KLF12: variants seen among roughly 807,000 people sequenced by gnomAD.
The protein encoded by KLF12 is Krueppel-like factor 12.
KLF12 carries 9 observed loss-of-function variants against 37.8 expected under a neutral mutation model. That is an observed-to-expected ratio of 0.24 (90% CI 0.14 to 0.42). The LOEUF (loss-of-function observed/expected upper bound fraction) is 0.42, where lower values mean the gene tolerates loss of function less well. Ranked by LOEUF, KLF12 falls within the 10% of genes least tolerant of loss-of-function variation. The probability of loss-of-function intolerance (pLI) is 1.00; values close to 1 mark genes in which losing one functional copy is unlikely to be tolerated. For synonymous variants in KLF12, 208 were observed against 202.1 expected (o/e 1.03, Z -0.25); for missense variants, 411 against 516.0 (o/e 0.80, Z 1.97).
At chr13:73,812,427 C>T (rs1594120050) in intron 5 of KLF12, among the ~76,000 whole-genome samples, 1 of 59,190 alleles carries the variant, frequency 1.7e-5, no homozygotes, top group Admixed American at 1.4e-4. Context: ...TATTAATTAA[C>T]TTAATTGTGG....
At chr13:73,850,771 T>C (rs1885296130) in intron 3 of KLF12, among the ~76,000 whole-genome samples, 1 of 152,230 alleles carries the variant, frequency 6.6e-6, no homozygotes, top group Non-Finnish European at 1.5e-5. Flanking sequence ...CTTTCAGTCA[T>C]CGGTCATTTA....
At chr13:73,757,308 G>A (rs1226078987) in intron 6 of KLF12, among the ~76,000 whole-genome samples, 1 of 152,144 alleles carries the variant, frequency 6.6e-6, no homozygotes, top group African/African-American at 2.4e-5. Flanking sequence ...GTGATTCTGA[G>A]TTGGTTTAAA....
At chr13:74,260,664 A>T in the KLF12 span, among the ~76,000 whole-genome samples, 154 of 151,630 alleles carry the variant, frequency 1.0e-3, no homozygotes, top group African/African-American at 3.4e-3. Flanking sequence ...TAAGTAATAA[A>T]ATTGGGCTTC....
At chr13:73,736,338 T>C (rs1877464261) in intron 6 of KLF12, among the ~76,000 whole-genome samples, 1 of 152,234 alleles carries the variant, frequency 6.6e-6, no homozygotes, top group Non-Finnish European at 1.5e-5. Context: ...CTGGAGTTTC[T>C]GTAAATTATA....
intron 1 of KLF12, among the ~76,000 whole-genome samples, chr13:74,007,927 A>G (rs930989308): frequency 6.6e-6 from 1 of 152,140 alleles, no homozygotes; most frequent in Non-Finnish European, 1.5e-5. Flanking sequence ...AACCAGTTAC[A>G]AAAGTGCACA....
chr13:73,874,569 T>C (rs1323915992), intron 3 of KLF12, among the ~76,000 whole-genome samples: 3 of 152,216 alleles, frequency 2.0e-5, no homozygotes, highest in African/African-American at 7.2e-5. Context: ...AATCCAATAA[T>C]TGACTTCTGT....
At chr13:73,815,633 T>C (rs1297879257) in intron 4 of KLF12, among the ~76,000 whole-genome samples, 1 of 152,212 alleles carries the variant, frequency 6.6e-6, no homozygotes, top group African/African-American at 2.4e-5. Context: ...TGGTGTTGCA[T>C]ACACCTGTAA....
At chr13:73,857,449 T>C (rs569540650) in intron 3 of KLF12, among the ~76,000 whole-genome samples, 2 of 152,330 alleles carry the variant, frequency 1.3e-5, no homozygotes, top group South Asian at 4.1e-4. Flanking sequence ...TGTTAAAATT[T>C]ATATATTTTT....
the KLF12 span, among the ~76,000 whole-genome samples, chr13:74,172,322 A>C: frequency 6.6e-6 from 1 of 152,146 alleles, no homozygotes; most frequent in Non-Finnish European, 1.5e-5. Flanking sequence ...GCACAAAAAA[A>C]CCCTTTATTG....
chr13:73,884,970 G>A (rs1449684523), intron 3 of KLF12, among the ~76,000 whole-genome samples: 74 of 151,978 alleles, frequency 4.9e-4, no homozygotes, highest in Non-Finnish European at 8.8e-5. Flanking sequence ...GTATCTCTCC[G>A]GCAGTCTTCA....
intron 1 of KLF12, among the ~76,000 whole-genome samples, chr13:74,041,668 T>G (rs1451166877): frequency 6.7e-6 from 1 of 149,418 alleles, no homozygotes; most frequent in African/African-American, 2.5e-5. Context: ...GATATAGCTA[T>G]GAAATTCCCC....
At chr13:74,058,353 C>CTTTTTTTTTTTTTT (rs55954411) in intron 1 of KLF12, among the ~76,000 whole-genome samples, 1 of 72,650 alleles carries the variant, frequency 1.4e-5, no homozygotes, top group African/African-American at 5.1e-5. Context: ...ATAATTTTAT[C>CTTTTTTTTTTTTTT]TTTTTTTTTT....
intron 3 of KLF12, among the ~76,000 whole-genome samples, chr13:73,928,206 C>A (rs374361572): frequency 6.6e-6 from 1 of 152,210 alleles, no homozygotes; most frequent in African/African-American, 2.4e-5. Flanking sequence ...TGTCCATCCA[C>A]AGTTTTTACT....
chr13:73,991,798 G>A (rs1566496211), intron 2 of KLF12, among the ~76,000 whole-genome samples: 1 of 152,182 alleles, frequency 6.6e-6, no homozygotes, highest in Non-Finnish European at 1.5e-5. Context: ...TGGCTACTTA[G>A]TTCAAAATGG....
chr13:73,813,268 G>T lies in KLF12; in HGVS notation c.690C>A (p.Gly230=). 6.2e-7 allele frequency: 1 copy of T among 1,613,956 alleles called. No individual in the cohort carries two copies. Among genetic ancestry groups the T allele is most frequent in the Non-Finnish European group, 8.5e-7 (1 of 1,179,916 alleles). Residue 230 remains glycine (G), a synonymous_variant, in exon 5 of 8, where the codon GGC becomes GGA. Transcript: ENST00000377669. ...CACTTTTACTTTGTCTGGGAGATAG[G>T]CCTCGGGGGTCCATTTGTGCTGGAG...
At chr13:74,030,950 C>T (rs1028905135) in intron 1 of KLF12, among the ~76,000 whole-genome samples, 1 of 152,110 alleles carries the variant, frequency 6.6e-6, no homozygotes, top group Non-Finnish European at 1.5e-5. Flanking sequence ...CTGCACTATA[C>T]TGAAGATTAT....
At chr13:74,208,539 T>C in the KLF12 span, among the ~76,000 whole-genome samples, 5 of 152,218 alleles carry the variant, frequency 3.3e-5, no homozygotes, top group African/African-American at 7.2e-5. Flanking sequence ...GATCATTTTA[T>C]TGAAAGACAG....
the KLF12 span, among the ~76,000 whole-genome samples, chr13:74,285,945 T>C: frequency 6.6e-6 from 1 of 152,156 alleles, no homozygotes. Context: ...CTCCTATCTC[T>C]TCCTACAGTA....
In KLF12 at chr13:73,690,826, CAT is replaced by C. The variant is rs538592969; in HGVS notation, c.*4662_*4663del. The C allele has an allele frequency of 4.4e-3, 677 of 152,754 alleles. 2 individuals are homozygous for C. The highest frequency in any genetic ancestry group is 8.1e-3 in the Non-Finnish European group (552 of 68,032). The allele number at this position is 152,754 out of a possible 1,614,324, so 9.5% of individuals were successfully genotyped here. A position where few individuals can be genotyped will look rare whatever the true frequency, so the allele number is the denominator to read the frequency against. Reference sequence around the variant, plus strand: ...TTTGAAAATACTTTTTCCACTATCACATATGTTACGAATACAGTAAAATATCT... The same window carrying C: ...TTTGAAAATACTTTTTCCACTATCACATGTTACGAATACAGTAAAATATCT... On this transcript the variant is annotated 3_prime_UTR_variant, in exon 8 of 8. Transcript: ENST00000377669.
Sources: allele counts gnomAD v4.1 joint callset (sites outside exome capture counted in the v4.1 genomes callset), GRCh38; gene constraint gnomAD v4.1.1; transcripts MANE v1.5; gene names NCBI Gene and HGNC (gene_info 2026-07-23, HGNC 2026-07-21).